KDM2B: variants seen among roughly 807,000 people sequenced by gnomAD.
KDM2B encodes the protein lysine demethylase 2B, also known as lysine-specific demethylase 2B.
A neutral mutation model predicts 150.0 loss-of-function variants in KDM2B; 26 were observed. The ratio of observed to expected loss-of-function variants is 0.17; its 90% CI spans 0.13 to 0.24. The LOEUF (loss-of-function observed/expected upper bound fraction) is 0.24, where lower values mean the gene tolerates loss of function less well. Among genes scored for constraint, KDM2B ranks in the 10% least tolerant of loss-of-function variants. KDM2B has a pLI of 1.00. For synonymous variants in KDM2B, 734 were observed against 729.5 expected (o/e 1.01, Z -0.10); for missense variants, 1,265 against 1,816.9 (o/e 0.70, Z 5.52).
chr12:121,453,056 A>AGACC lies in KDM2B; in HGVS notation c.1959+63_1959+64insGGTC. 1.5e-6 allele frequency: 2 copies of AGACC among 1,375,122 alleles called. No homozygotes were observed. The highest frequency in any genetic ancestry group is 2.0e-6 in the Non-Finnish European group (2 of 1,019,294). The allele number at this position is 1,375,122 out of a possible 1,614,324, so 85.2% of individuals were successfully genotyped here. ...GGGGCGGCCAGAGCGAGCAGCGGTC[A>AGACC]GACACGCGGGCCGGCACGCAGGGGC... On this transcript the variant is annotated intron_variant, in intron 13 of 22. Transcript: ENST00000377071. This position sits in a 1 kb window ranked among gnomAD's most constrained non-coding sequence, Gnocchi z 6.4.
At chr12:121,424,876 C>A (rs1397697320), downstream of KDM2B, among the ~76,000 whole-genome samples, 7 of 152,174 alleles carry the variant, frequency 4.6e-5, no homozygotes, top group African/African-American at 1.7e-4. Context: ...AAGCAACTTT[C>A]TGAAATAAAC....
intron 12 of KDM2B, among the ~76,000 whole-genome samples, chr12:121,475,464 G>A (rs1410748214): frequency 6.6e-6 from 1 of 151,674 alleles, no homozygotes; most frequent in Admixed American, 6.6e-5. Context: ...AAGGTGGCAT[G>A]CACTTTTAAG....
intron 4 of KDM2B, among the ~76,000 whole-genome samples, chr12:121,560,826 G>C (rs1890287212): frequency 6.6e-6 from 1 of 152,210 alleles, no homozygotes; most frequent in Non-Finnish European, 1.5e-5. Context: ...TAAAGGGATG[G>C]AGGGGACAGA....
intron 12 of KDM2B, among the ~76,000 whole-genome samples, chr12:121,492,288 C>G (rs1387594082): frequency 6.6e-6 from 1 of 152,014 alleles, no homozygotes; most frequent in Non-Finnish European, 1.5e-5. Flanking sequence ...AACAATATAT[C>G]AAAAATATAG....
chr12:121,498,039 C>T (rs1453978893), intron 11 of KDM2B, among the ~76,000 whole-genome samples: 2 of 151,978 alleles, frequency 1.3e-5, no homozygotes, highest in African/African-American at 2.4e-5. Flanking sequence ...GAGGTTGTAG[C>T]GGGCCGAGAC....
chr12:121,579,989 G>GAAAAAAAA, intron 1 of KDM2B: 5 of 1,208,338 alleles, frequency 4.1e-6, no homozygotes, highest in Non-Finnish European at 5.4e-6. Context: ...TACAGATTTG[G>GAAAAAAAA]AAAAAAAAAA....
chr12:121,500,052 T>TG (rs1884379808), intron 11 of KDM2B, among the ~76,000 whole-genome samples: 2 of 152,114 alleles, frequency 1.3e-5, no homozygotes, highest in African/African-American at 2.4e-5. Context: ...CCTCTGTGTG[T>TG]GGCCCCCCTG....
rs1248449718 is a variant in KDM2B at position 121,537,065 on chromosome 12, T to C, written c.684-2475A>G. Among the ~76,000 whole-genome samples, 2 of 152,050 alleles carry C rather than the reference T, an allele frequency of 1.3e-5. No homozygotes were observed. Among genetic ancestry groups the C allele is most frequent in the African/African-American group, 4.8e-5 (2 of 41,414 alleles). ...GGCCCCTCGGGGGGCTGGGGCCGCCTCTTCCAGACCTGCCTCTCCCGGAGA... is the reference window on the plus strand; with the variant it reads ...GGCCCCTCGGGGGGCTGGGGCCGCCCCTTCCAGACCTGCCTCTCCCGGAGA... On this transcript the variant is annotated intron_variant, in intron 6 of 22. Coordinates refer to ENST00000377071, the MANE Select transcript of KDM2B (RefSeq NM_032590.5). The surrounding 1 kb of genome is among the most constrained non-coding windows in gnomAD (Gnocchi z 8.7).
chr12:121,466,929 C>T (rs1880067086), intron 12 of KDM2B, among the ~76,000 whole-genome samples: 1 of 147,578 alleles, frequency 6.8e-6, no homozygotes, highest in African/African-American at 2.4e-5. Context: ...CCGATGGCCC[C>T]CAGTGCGCTC....
rs1555308407 is a variant in KDM2B at position 121,534,536 on chromosome 12, T to C, written c.738A>G (p.Gly246=). The C allele has an allele frequency of 6.2e-7, 1 of 1,613,802 alleles. No homozygotes were observed. Among genetic ancestry groups the C allele is most frequent in the Admixed American group, 1.7e-5 (1 of 59,992 alleles). The change falls in exon 7 of 23, where the codon GGA becomes GGG. Residue 246 remains glycine, a synonymous_variant. Coordinates refer to ENST00000377071, the MANE Select transcript of KDM2B (RefSeq NM_032590.5). Reference sequence around the variant, plus strand: ...AAACATGGTACCAAACGGAAGTGCCTCCAAAGTCGATGTGGAAGTCGGTGA... The same window carrying C: ...AAACATGGTACCAAACGGAAGTGCCCCCAAAGTCGATGTGGAAGTCGGTGA... ...GCFTDFHIDF[G]GTSVWYHVFR... is the part of the protein sequence containing the mutation.
intron 11 of KDM2B, among the ~76,000 whole-genome samples, chr12:121,506,084 A>C (rs56025689): frequency 0.013 from 2,002 of 152,040 alleles, 22 homozygotes; most frequent in South Asian, 0.028. Flanking sequence ...CTCATAGTTC[A>C]CTGTAGCCTA....
At chr12:121,539,832 C>G (rs782623216) in intron 6 of KDM2B, among the ~76,000 whole-genome samples, 97 of 152,134 alleles carry the variant, frequency 6.4e-4, no homozygotes, top group Non-Finnish European at 1.1e-3. Flanking sequence ...CTCCAACTCC[C>G]GAGTTTAAGA....
intron 4 of KDM2B, among the ~76,000 whole-genome samples, chr12:121,555,269 T>C (rs1889806826): frequency 2.6e-5 from 4 of 152,218 alleles, no homozygotes; most frequent in African/African-American, 7.2e-5. Flanking sequence ...CATTTAGTTA[T>C]GAGGATATAG....
At chr12:121,476,433 G>C (rs1881384409) in intron 12 of KDM2B, among the ~76,000 whole-genome samples, 1 of 152,042 alleles carries the variant, frequency 6.6e-6, no homozygotes, top group Admixed American at 6.6e-5. Flanking sequence ...TCCACCCTGG[G>C]TGACCGAACA....
At position 121,549,441 on chromosome 12, in the gene KDM2B, A is replaced by G; in HGVS notation, c.576+19T>C. Reference sequence around the variant, plus strand: ...GAGGTGGAAGGTATCTGGGGAGGGTACCTGGGCCCCGGACCTACCACAGTC... The same window carrying G: ...GAGGTGGAAGGTATCTGGGGAGGGTGCCTGGGCCCCGGACCTACCACAGTC... On this transcript the variant is annotated intron_variant, in intron 5 of 22. Transcript: ENST00000377071. This position sits in a 1 kb window ranked among gnomAD's most constrained non-coding sequence, Gnocchi z 4.4. The G allele has an allele frequency of 6.4e-7, 1 of 1,567,422 alleles. No individual in the cohort carries two copies. Among genetic ancestry groups the G allele is most frequent in the Non-Finnish European group, 8.7e-7 (1 of 1,149,088 alleles).
At chr12:121,559,732 C>T (rs1454944783) in intron 4 of KDM2B, among the ~76,000 whole-genome samples, 1 of 151,734 alleles carries the variant, frequency 6.6e-6, no homozygotes, top group Non-Finnish European at 1.5e-5. Context: ...GAAACTCCGT[C>T]TCTACTAAAA....
intron 6 of KDM2B, among the ~76,000 whole-genome samples, chr12:121,540,907 G>A (rs536830414): frequency 6.6e-6 from 1 of 151,716 alleles, no homozygotes; most frequent in African/African-American, 2.4e-5. Flanking sequence ...GAGATGGCAG[G>A]ACCCCTACAT....
intron 12 of KDM2B, among the ~76,000 whole-genome samples, chr12:121,483,142 A>C (rs1555298212): frequency 6.6e-6 from 1 of 151,766 alleles, no homozygotes; most frequent in Non-Finnish European, 1.5e-5. Flanking sequence ...CAGCCTGGGC[A>C]ACAGAGCAAG....
At chr12:121,482,382 A>C (rs1456851561) in intron 12 of KDM2B, among the ~76,000 whole-genome samples, 2 of 152,038 alleles carry the variant, frequency 1.3e-5, no homozygotes, top group African/African-American at 4.8e-5. Context: ...GGCTCACTGC[A>C]ACCTCTGCCT....
Sources: allele counts gnomAD v4.1 joint callset (sites outside exome capture counted in the v4.1 genomes callset), GRCh38; gene constraint gnomAD v4.1.1; non-coding constraint Gnocchi (gnomAD v3.1); transcripts MANE v1.5; gene names NCBI Gene and HGNC (gene_info 2026-07-23, HGNC 2026-07-21).